Variants in NPHP1 observed in about 807,000 individuals in gnomAD.
NPHP1 encodes nephrocystin 1, also known as nephrocystin-1.
NPHP1 carries 70 observed loss-of-function variants against 90.4 expected under a neutral mutation model. The observed-to-expected ratio is 0.77, with a 90% confidence interval of 0.64 to 0.95. The LOEUF (loss-of-function observed/expected upper bound fraction) is 0.95. Ranked by LOEUF, NPHP1 falls within the 40% of genes least tolerant of loss-of-function variation. The pLI is 0.00. For missense variants in NPHP1, 764 were observed against 795.9 expected (o/e 0.96, Z 0.48); for synonymous variants, 256 against 271.7 (o/e 0.94, Z 0.57).
chr2:110,124,356 T>C (rs929114974), intron 19 of NPHP1: 9 of 481,754 alleles, frequency 1.9e-5, no homozygotes, highest in Admixed American at 3.3e-5. Context: ...TGTCAAGGTA[T>C]TGCAGTCTAA....
chr2:110,196,093 G>C (rs1187207729), intron 2 of NPHP1, among the ~76,000 whole-genome samples: 1 of 151,898 alleles, frequency 6.6e-6, no homozygotes, highest in African/African-American at 2.4e-5. Context: ...CATAGGCATG[G>C]GCAAGGACGT....
At chr2:110,168,034 A>G (rs768779070) in intron 6 of NPHP1, among the ~76,000 whole-genome samples, 1 of 152,216 alleles carries the variant, frequency 6.6e-6, no homozygotes, top group Non-Finnish European at 1.5e-5. Flanking sequence ...ATCTTGGCAC[A>G]GAAAATGACC....
Position 110,183,900 on chromosome 2 carries a change from C to T in NPHP1, c.144-4216G>A, listed in dbSNP as rs116235817. ...CTTACTCTAAAATTGATCAAGTAAT[C>T]GGAAATAAAATATTCCTCAGCAAAT... is the stretch of plus-strand genomic sequence containing the variant. On this transcript the variant is annotated intron_variant, in intron 2 of 19. Transcript: ENST00000445609. 4.1e-3 allele frequency among the ~76,000 whole-genome samples: 623 copies of T among 152,170 alleles called. 10 individuals are homozygous for T. Among genetic ancestry groups the T allele is most frequent in the African/African-American group, 0.015 (606 of 41,540 alleles).
chr2:110,155,911 T>G (rs1214472792), intron 11 of NPHP1, among the ~76,000 whole-genome samples: 3 of 152,020 alleles, frequency 2.0e-5, no homozygotes, highest in Non-Finnish European at 4.4e-5. Context: ...CATGATAGGT[T>G]TGGAAATGTG....
chr2:110,137,138 T>C (rs968876490), intron 16 of NPHP1, among the ~76,000 whole-genome samples: 1 of 152,094 alleles, frequency 6.6e-6, no homozygotes, highest in Non-Finnish European at 1.5e-5. Context: ...AAGCTGAAAC[T>C]GGATCCCTTC....
At chr2:110,142,258 G>C (rs1242526712) in intron 16 of NPHP1, among the ~76,000 whole-genome samples, 1 of 151,944 alleles carries the variant, frequency 6.6e-6, no homozygotes, top group Non-Finnish European at 1.5e-5. Flanking sequence ...ACTTATGGTG[G>C]GTTATAGCCC....
At chr2:110,173,915 C>G (rs1683337181) in intron 4 of NPHP1, among the ~76,000 whole-genome samples, 1 of 152,092 alleles carries the variant, frequency 6.6e-6, no homozygotes, top group Non-Finnish European at 1.5e-5. Context: ...AATGTATACT[C>G]ATTTAGGAAG....
intron 18 of NPHP1, 190 bp from the exon 19 acceptor site, chr2:110,125,871 TG>T: frequency 1.6e-6 from 1 of 615,866 alleles, no homozygotes; most frequent in Non-Finnish European, 2.9e-6. Flanking sequence ...ACCAGGCAGA[TG>T]TATCTGTGAA....
intron 15 of NPHP1, 118 bp from the exon 16 acceptor site, chr2:110,143,759 A>G (rs1680816739): frequency 2.7e-6 from 2 of 750,924 alleles, no homozygotes; most frequent in South Asian, 3.0e-5. Context: ...AATGAAAGGC[A>G]AGAGTCATCC....
At chr2:110,141,738 C>T (rs973111537) in intron 16 of NPHP1, among the ~76,000 whole-genome samples, 8 of 151,770 alleles carry the variant, frequency 5.3e-5, no homozygotes, top group Non-Finnish European at 7.4e-5. Flanking sequence ...TTTGGGAGGC[C>T]GAGGTGGGCG....
intron 9 of NPHP1, among the ~76,000 whole-genome samples, chr2:110,162,759 G>C (rs1482904859): frequency 2.0e-5 from 3 of 152,000 alleles, no homozygotes; most frequent in African/African-American, 7.3e-5. Flanking sequence ...GAACCAGTGT[G>C]GGGAAGGTGG....
At chr2:110,142,044 A>C (rs1017033726) in intron 16 of NPHP1, among the ~76,000 whole-genome samples, 1 of 151,998 alleles carries the variant, frequency 6.6e-6, no homozygotes, top group Admixed American at 6.6e-5. Flanking sequence ...GTTAAACTCC[A>C]TATGTCCCAG....
At chr2:110,177,780 C>T (rs748503672) in intron 4 of NPHP1, among the ~76,000 whole-genome samples, 3 of 151,826 alleles carry the variant, frequency 2.0e-5, no homozygotes, top group South Asian at 2.1e-4. Flanking sequence ...TGTCTCACTC[C>T]GTTGCCCAGG....
At chr2:110,142,876 C>G (rs778325238) in intron 16 of NPHP1, among the ~76,000 whole-genome samples, 7 of 152,178 alleles carry the variant, frequency 4.6e-5, no homozygotes, top group Admixed American at 1.3e-4. Context: ...AAGTCAGGGA[C>G]AGTCTGTACT....
Position 110,139,447 on chromosome 2 carries a change from C to T in NPHP1, c.1529+4095G>A, listed in dbSNP as rs199507112. 2.6e-5 allele frequency among the ~76,000 whole-genome samples: 4 copies of T among 152,270 alleles called. No homozygotes were observed. The East Asian group carries it at 7.7e-4, about 29-fold the overall frequency. On this transcript the variant is annotated intron_variant, in intron 16 of 19. Coordinates refer to ENST00000445609, the MANE Select transcript of NPHP1 (RefSeq NM_001128178.3). ...TCTCTTTTTCTTATGTTGACAAGGTCGCCATGATCACAACCTACTCCACAA... is the reference window on the plus strand; with the variant it reads ...TCTCTTTTTCTTATGTTGACAAGGTTGCCATGATCACAACCTACTCCACAA...
chr2:110,184,868 C>G (rs978831301), intron 2 of NPHP1: 5 of 698,856 alleles, frequency 7.2e-6, no homozygotes, highest in Admixed American at 5.3e-5. Context: ...GCTCTTCAGG[C>G]CAGACTTGAT....
intron 2 of NPHP1, among the ~76,000 whole-genome samples, chr2:110,192,336 T>C (rs1325765001): frequency 6.6e-6 from 1 of 152,138 alleles, no homozygotes; most frequent in Non-Finnish European, 1.5e-5. Context: ...CTGAAAACCA[T>C]GGCACAAGAA....
At chr2:110,161,510 T>C (rs1384700300) in intron 10 of NPHP1, 93 bp downstream of exon 10, 2 of 837,814 alleles carry the variant, frequency 2.4e-6, no homozygotes, top group Non-Finnish European at 3.8e-6. Context: ...TTGTTTTTTA[T>C]AATTCATTAG....
At chr2:110,139,036 A>C (rs1680432050) in intron 16 of NPHP1, among the ~76,000 whole-genome samples, 1 of 152,126 alleles carries the variant, frequency 6.6e-6, no homozygotes, top group Non-Finnish European at 1.5e-5. Context: ...TTCCTCCTGA[A>C]TTCACATGTA....
Sources: gnomAD v4.1 joint callset for allele counts (sites outside exome capture counted in the v4.1 genomes callset) on GRCh38, gnomAD v4.1.1 for gene constraint, MANE v1.5 for transcripts, NCBI Gene and HGNC (gene_info 2026-07-23, HGNC 2026-07-21) for gene names.